Variants in ESR1 observed in about 807,000 individuals in gnomAD.
ESR1 encodes estrogen receptor 1, also known as estrogen receptor.
A neutral mutation model predicts 52.7 loss-of-function variants in ESR1; 12 were observed. That is an observed-to-expected ratio of 0.23 (90% confidence interval 0.15 to 0.37). The LOEUF is 0.37. ESR1 is among the 10% of genes least tolerant of loss of function. The pLI, the probability that ESR1 is intolerant of heterozygous loss-of-function variation, is 1.00. For missense variants in ESR1, 584 were observed against 779.7 expected, an observed-to-expected ratio of 0.75 and a Z score of 2.99; for synonymous variants, 305 against 316.8, an observed-to-expected ratio of 0.96 and a Z score of 0.39.
upstream of ESR1, among the ~76,000 whole-genome samples, chr6:151,806,557 T>TATATATATATATATATATATATACAC (rs1554259008): frequency 5.2e-5 from 7 of 133,784 alleles, no homozygotes; most frequent in South Asian, 2.3e-4. Context: ...TATATATATA[T>TATATATATATATATATATATATACAC]ACACATATAT....
upstream of ESR1, among the ~76,000 whole-genome samples, chr6:151,801,136 C>A (rs1216916833): frequency 6.6e-6 from 1 of 151,162 alleles, no homozygotes; most frequent in Non-Finnish European, 1.5e-5. Context: ...AATTTAGGCA[C>A]AATCTAGATA....
At chr6:151,757,080 T>C (rs955351695) in intron 2 of ESR1, among the ~76,000 whole-genome samples, 3 of 152,118 alleles carry the variant, frequency 2.0e-5, no homozygotes, top group African/African-American at 7.2e-5. Flanking sequence ...AAAATGTGTA[T>C]GTGTGAGGGT....
chr6:151,901,337 G>C (rs1796661624), intron 3 of ESR1, among the ~76,000 whole-genome samples: 1 of 152,184 alleles, frequency 6.6e-6, no homozygotes, highest in Non-Finnish European at 1.5e-5. Context: ...GATGAGCAAG[G>C]CTAAGAACTT....
chr6:152,074,553 A>T (rs2048581787), intron 6 of ESR1, among the ~76,000 whole-genome samples: 1 of 152,224 alleles, frequency 6.6e-6, no homozygotes, highest in African/African-American at 2.4e-5. Context: ...GTTGCTGTAA[A>T]CACCCATGTG....
At chr6:152,104,873 A>C (rs768585787), downstream of ESR1, among the ~76,000 whole-genome samples, 7 of 152,104 alleles carry the variant, frequency 4.6e-5, no homozygotes, top group Non-Finnish European at 1.0e-4. Flanking sequence ...CTACCCTTTG[A>C]CCTCTGGAGA....
rs778932185 is a variant in ESR1 at position 152,011,745 on chromosome 6, A to G, written c.1186A>G (p.Met396Val). The stretch of plus-strand genomic sequence containing the variant: ...GATGATTGGTCTCGTCTGGCGCTCC[A>G]TGGAGCACCCAGGGAAGCTACTGTT... The part of the protein sequence containing the change: ...ILMIGLVWRS[M>V]EHPGKLLFAP... Residue 396 changes from methionine (M) to valine (V), a missense_variant, in exon 5 of 8, where the codon ATG becomes GTG. Physicochemically the swap from Met to Val is conservative, Grantham distance 21. Transcript: ENST00000206249. 16 of 1,613,224 alleles carry G rather than the reference A, an allele frequency of 9.9e-6. No individual in the cohort carries two copies. The highest frequency in any genetic ancestry group is 1.7e-4 in the Middle Eastern group (1 of 6,050).
intron 5 of ESR1, among the ~76,000 whole-genome samples, chr6:152,060,173 T>C (rs1413396919): frequency 6.6e-6 from 1 of 152,210 alleles, no homozygotes; most frequent in East Asian, 1.9e-4. Context: ...TACTACATGT[T>C]ATGCACCTTT....
intron 3 of ESR1, among the ~76,000 whole-genome samples, chr6:151,899,436 G>T (rs566721858): frequency 2.6e-4 from 34 of 133,274 alleles, no homozygotes; most frequent in Non-Finnish European, 4.0e-4. Context: ...GGGCAGAGGC[G>T]CCCCTCACCT....
downstream of ESR1, among the ~76,000 whole-genome samples, chr6:152,104,758 G>C (rs1216392256): frequency 6.6e-6 from 1 of 152,088 alleles, no homozygotes; most frequent in Non-Finnish European, 1.5e-5. Context: ...AATTTCCTGG[G>C]CAATAGAAAC....
chr6:151,931,901 C>T (rs1392852530), intron 3 of ESR1, among the ~76,000 whole-genome samples: 2,532 of 142,750 alleles, frequency 0.018, 27 homozygotes, highest in Non-Finnish European at 0.028. Flanking sequence ...TGAATAATGC[C>T]GCAATAAACA....
chr6:151,976,344 A>G (rs2039434709), intron 4 of ESR1, among the ~76,000 whole-genome samples: 1 of 152,094 alleles, frequency 6.6e-6, no homozygotes, highest in Non-Finnish European at 1.5e-5. Context: ...TACTATCCAT[A>G]TTAACTGAAT....
intron 4 of ESR1, among the ~76,000 whole-genome samples, chr6:152,000,809 C>G (rs2041889284): frequency 6.6e-6 from 1 of 151,956 alleles, no homozygotes. Flanking sequence ...TTAGTAACCC[C>G]AATCCAAACT....
At chr6:151,904,427 G>A (rs943364681) in intron 3 of ESR1, among the ~76,000 whole-genome samples, 2 of 152,066 alleles carry the variant, frequency 1.3e-5, no homozygotes, top group African/African-American at 4.8e-5. Context: ...TCTTTACTGT[G>A]TTTTTCTCTT....
exon 7 of ESR1, chr6:152,125,855 T>G (rs1585431005): frequency 6.6e-6 from 1 of 152,486 alleles, no homozygotes; most frequent in Middle Eastern, 3.4e-3. Context: ...CATTGACCTG[T>G]TCACTCCTGA....
chr6:151,676,352 T>C (rs1211498738), intron 1 of ESR1, among the ~76,000 whole-genome samples: 2 of 152,226 alleles, frequency 1.3e-5, no homozygotes, highest in Admixed American at 6.5e-5. Flanking sequence ...TGAAAGTTCC[T>C]GTTTTATGAA....
chr6:152,003,101 C>T (rs887682748), intron 4 of ESR1, among the ~76,000 whole-genome samples: 14 of 152,022 alleles, frequency 9.2e-5, no homozygotes, highest in African/African-American at 3.1e-4. Flanking sequence ...TAAACCAAGG[C>T]TCTGAGTGTA....
chr6:152,027,504 T>C (rs963450903), intron 5 of ESR1, among the ~76,000 whole-genome samples: 29 of 152,172 alleles, frequency 1.9e-4, no homozygotes, highest in African/African-American at 6.3e-4. Flanking sequence ...TTTAAAAATG[T>C]TTATAATTAT....
At chr6:151,916,553 G>T (rs546528838) in intron 3 of ESR1, among the ~76,000 whole-genome samples, 20 of 152,176 alleles carry the variant, frequency 1.3e-4, no homozygotes, top group Non-Finnish European at 2.6e-4. Flanking sequence ...GCTTCTGGCA[G>T]ATTAGTGAGA....
intron 2 of ESR1, among the ~76,000 whole-genome samples, chr6:151,781,388 C>G (rs533940034): frequency 6.6e-6 from 1 of 152,314 alleles, no homozygotes; most frequent in East Asian, 1.9e-4. Context: ...GGCATGAATC[C>G]CATCCATGAA....
Sources: allele counts gnomAD v4.1 joint callset (sites outside exome capture counted in the v4.1 genomes callset), GRCh38; gene constraint gnomAD v4.1.1; transcripts MANE v1.5; gene names NCBI Gene and HGNC (gene_info 2026-07-23, HGNC 2026-07-21).